Variants in STX1B observed in about 807,000 individuals in gnomAD.
STX1B encodes syntaxin 1B, also known as syntaxin-1B.
STX1B carries 7 observed loss-of-function variants against 39.4 expected under a neutral mutation model. The observed-to-expected ratio is 0.18, with a 90% CI of 0.10 to 0.33. The LOEUF (loss-of-function observed/expected upper bound fraction) is 0.33, where lower values mean the gene tolerates loss of function less well. Ranked by LOEUF, STX1B falls within the 10% of genes least tolerant of loss-of-function variation. The pLI is 1.00. For synonymous variants in STX1B, 136 were observed against 144.1 expected, an observed-to-expected ratio of 0.94 and a Z score of 0.40; for missense variants, 198 against 383.2, an observed-to-expected ratio of 0.52 and a Z score of 4.04.
Position 31,001,009 on chromosome 16 carries a change from G to C in STX1B, c.206-7C>G. The C allele has an allele frequency of 6.2e-7, 1 of 1,614,176 alleles. No homozygotes were observed. Among genetic ancestry groups the C allele is most frequent in the Non-Finnish European group, 8.5e-7 (1 of 1,180,028 alleles). ...TCCAGCTCCTGTTTGGTCTCTGAGG[G>C]GAGGGCGAGGGCAAGTGAGATGTCT... On this transcript the variant is annotated splice_region_variant and splice_polypyrimidine_tract_variant and intron_variant, in intron 3 of 9. Coordinates refer to ENST00000215095, the MANE Select transcript of STX1B (RefSeq NM_052874.5). The surrounding 1 kb of genome is among the most constrained non-coding windows in gnomAD (Gnocchi z 5.5).
At chr16:31,009,043 C>T (rs2056667944) in intron 1 of STX1B, among the ~76,000 whole-genome samples, 1 of 152,112 alleles carries the variant, frequency 6.6e-6, no homozygotes, top group African/African-American at 2.4e-5. Flanking sequence ...AATTCCCTCC[C>T]TCAGCCACCA....
In STX1B at chr16:30,992,090, G is replaced by GAC. The variant is rs55683703; in HGVS notation, c.*729_*730dup. On this transcript the variant is annotated 3_prime_UTR_variant, in exon 10 of 10. Transcript: ENST00000215095. Reference sequence around the variant, plus strand: ...CTATCAATACTTCAGGCACATCCTGGACACACACACACACACACACACACA... The same window carrying GAC: ...CTATCAATACTTCAGGCACATCCTGGACACACACACACACACACACACACACA... The GAC allele has an allele frequency of 0.5, 73,145 of 146,856 alleles. 19,670 individuals are homozygous for GAC. Among genetic ancestry groups the GAC allele is most frequent in the East Asian group, 0.86 (4,220 of 4,896 alleles). The allele number at this position is 146,856 out of a possible 1,614,324, so 9.1% of individuals were successfully genotyped here.
At chr16:31,002,161 C>T (rs1348512430) in intron 1 of STX1B, among the ~76,000 whole-genome samples, 1 of 152,086 alleles carries the variant, frequency 6.6e-6, no homozygotes, top group Admixed American at 6.5e-5. Flanking sequence ...CTCCCTCGCG[C>T]CCTGTGCCCC....
At chr16:30,996,592 C>A in intron 7 of STX1B, 91 bp downstream of exon 7, 1 of 1,189,472 alleles carries the variant, frequency 8.4e-7, no homozygotes. Flanking sequence ...CTCATTTTTC[C>A]AGGGTGGACT....
Position 30,990,666 on chromosome 16 carries a change from G to A in STX1B, c.*2155C>T, listed in dbSNP as rs969256394. 5.3e-5 allele frequency: 8 copies of A among 152,220 alleles called. No individual in the cohort carries two copies. The highest frequency in any genetic ancestry group is 1.7e-4 in the African/African-American group (7 of 41,438). The allele number at this position is 152,220 out of a possible 1,614,324, so 9.4% of individuals were successfully genotyped here. A position where few individuals can be genotyped will look rare whatever the true frequency, so the allele number is the denominator to read the frequency against. ...CCATGCCAGGGCATGGCACATTTGT[G>A]TACTTGTGTGTTCACCTTTCATGAT... is the stretch of plus-strand genomic sequence containing the variant. On this transcript the variant is annotated 3_prime_UTR_variant, in exon 10 of 10. Transcript: ENST00000215095.
In STX1B at chr16:30,996,967, C is replaced by G; in HGVS notation, c.447G>C (p.Gln149His). 1.2e-6 allele frequency: 2 copies of G among 1,613,402 alleles called. No individual in the cohort carries two copies. Among genetic ancestry groups the G allele is most frequent in the Non-Finnish European group, 1.7e-6 (2 of 1,179,896 alleles). The stretch of plus-strand genomic sequence containing the variant: ...CACACGCACTGATCTCCAGTTGCCG[C>G]TGGATCCGGTCCTTGCAGCGGTCCC... Reference protein sequence around the residue: ...KYRDRCKDRIQRQLEITGRTT... With the variant: ...KYRDRCKDRIHRQLEITGRTT... The change falls in exon 6 of 10, where the codon CAG (glutamine) becomes CAC (histidine). Residue 149 changes from glutamine to histidine, a missense_variant. Transcript: ENST00000215095.
intron 7 of STX1B, among the ~76,000 whole-genome samples, chr16:30,994,503 T>C (rs1326435245): frequency 2.0e-5 from 3 of 150,522 alleles, no homozygotes; most frequent in Non-Finnish European, 4.4e-5. Flanking sequence ...GGCAGAAGGA[T>C]TGCCTGACCC....
At chr16:31,000,501 T>G (rs912340458) in intron 4 of STX1B, among the ~76,000 whole-genome samples, 1 of 151,584 alleles carries the variant, frequency 6.6e-6, no homozygotes, top group Non-Finnish European at 1.5e-5. Context: ...CCAGCTAATT[T>G]TTTTTTTTTG....
intron 1 of STX1B, among the ~76,000 whole-genome samples, chr16:31,004,160 A>C (rs2056645357): frequency 6.6e-6 from 1 of 152,228 alleles, no homozygotes; most frequent in Non-Finnish European, 1.5e-5. Flanking sequence ...TTTTTGCGTA[A>C]GTCTTACATT....
At position 30,996,935 on chromosome 16, in the gene STX1B, TG is replaced by T. The variant is rs1455615843; in HGVS notation, c.463+15del. Reference sequence around the variant, plus strand: ...CCTCAAGGAGTTCGGGGTCCTGGGGTGGGGGGCACACGCACTGATCTCCAGT... The same window carrying T: ...CCTCAAGGAGTTCGGGGTCCTGGGGTGGGGGCACACGCACTGATCTCCAGT... On this transcript the variant is annotated intron_variant, in intron 6 of 9. Transcript: ENST00000215095. 8 of 1,596,792 alleles carry T rather than the reference TG, an allele frequency of 5.0e-6. No homozygotes were observed. In the East Asian group the frequency reaches 6.7e-5, roughly 13 times the overall value.
chr16:30,992,886 T>G lies in STX1B; in HGVS notation c.802A>C (p.Ile268Leu). The change falls in exon 10 of 10, where the codon ATC becomes CTC. Residue 268 changes from isoleucine (I) to leucine (L), a missense_variant. Coordinates refer to ENST00000215095, the MANE Select transcript of STX1B (RefSeq NM_052874.5). Reference sequence around the variant, plus strand: ...ACCCCCAGCACCACACAGCAAATGATGATCATGATTTTCTTCTGCAGCAGA... The same window carrying G: ...ACCCCCAGCACCACACAGCAAATGAGGATCATGATTTTCTTCTGCAGCAGA... ...SKARRKKIMI[I>L]ICCVVLGVVL... is the part of the protein sequence containing the mutation. 1 of 1,613,730 alleles carries G rather than the reference T, an allele frequency of 6.2e-7. No individual in the cohort carries two copies. The highest frequency in any genetic ancestry group is 8.5e-7 in the Non-Finnish European group (1 of 1,179,856).
chr16:30,997,411 G>A (rs1429581481), intron 5 of STX1B, 91 bp downstream of exon 5: 3 of 455,828 alleles, frequency 6.6e-6, no homozygotes, highest in East Asian at 9.1e-5. Context: ...CCACGCCCCC[G>A]CCGGTGCTTG....
intron 7 of STX1B, among the ~76,000 whole-genome samples, chr16:30,995,373 A>AC (rs2056586686): frequency 6.6e-6 from 1 of 152,126 alleles, no homozygotes; most frequent in Non-Finnish European, 1.5e-5. Context: ...CTGGTCTAGA[A>AC]CCCTTAACCA....
intron 5 of STX1B, 38 bp downstream of exon 5, chr16:30,997,464 G>T (rs1271988750): frequency 6.4e-7 from 1 of 1,564,618 alleles, no homozygotes; most frequent in African/African-American, 1.3e-5. Context: ...TCCCGAGCTG[G>T]GTCCCGACCC....
At chr16:30,997,961 T>G (rs1332602931) in intron 4 of STX1B, among the ~76,000 whole-genome samples, 1 of 152,210 alleles carries the variant, frequency 6.6e-6, no homozygotes, top group Non-Finnish European at 1.5e-5. Flanking sequence ...CCCTACTTCC[T>G]ACAGCCTCTG....
intron 1 of STX1B, among the ~76,000 whole-genome samples, chr16:31,006,614 G>T (rs1002574996): frequency 1.3e-5 from 2 of 152,150 alleles, no homozygotes; most frequent in Non-Finnish European, 1.5e-5. Flanking sequence ...ATGGGAATTG[G>T]GGGGGATTGT....
chr16:31,007,902 TGAG>T (rs2143688175), intron 1 of STX1B, among the ~76,000 whole-genome samples: 1 of 152,246 alleles, frequency 6.6e-6, no homozygotes, highest in East Asian at 1.9e-4. Flanking sequence ...GCGAAGAAAT[TGAG>T]GACCAGAGAG....
rs927970961 is a variant in STX1B at position 31,001,233 on chromosome 16, G to A, written c.106-40C>T. Reference sequence around the variant, plus strand: ...CGGCTATACCCAGCCAAGCTGTCAGGCCAAACAACGGGTTCCAGGGGAACC... The same window carrying A: ...CGGCTATACCCAGCCAAGCTGTCAGACCAAACAACGGGTTCCAGGGGAACC... On this transcript the variant is annotated intron_variant, in intron 2 of 9. Transcript: ENST00000215095. The surrounding 1 kb of genome is among the most constrained non-coding windows in gnomAD (Gnocchi z 5.5). 1 of 1,593,962 alleles carries A rather than the reference G, an allele frequency of 6.3e-7. No individual in the cohort carries two copies. Among genetic ancestry groups the A allele is most frequent in the East Asian group, 2.2e-5 (1 of 44,792 alleles).
At chr16:31,004,350 T>A (rs992865095) in intron 1 of STX1B, among the ~76,000 whole-genome samples, 4 of 152,162 alleles carry the variant, frequency 2.6e-5, no homozygotes, top group African/African-American at 9.7e-5. Flanking sequence ...TATAGCCCCC[T>A]TTTATAGATG....
Sources: gnomAD v4.1 joint callset for allele counts (sites outside exome capture counted in the v4.1 genomes callset) on GRCh38, gnomAD v4.1.1 for gene constraint, Gnocchi (gnomAD v3.1) non-coding constraint, MANE v1.5 for transcripts, NCBI Gene and HGNC (gene_info 2026-07-23, HGNC 2026-07-21) for gene names.